The following LAMA2 variants were observed in gnomAD, a reference collection of about 807,000 sequenced individuals.
LAMA2 encodes laminin subunit alpha 2.
Under a neutral mutation model 364.8 loss-of-function variants are expected in LAMA2, and 269 were observed. The ratio of observed to expected loss-of-function variants is 0.74; its 90% CI spans 0.67 to 0.82. The LOEUF (loss-of-function observed/expected upper bound fraction) is 0.82, where lower values mean the gene tolerates loss of function less well. LAMA2 is among the 40% of genes least tolerant of loss of function. The probability of loss-of-function intolerance (pLI) is 0.00; values close to 1 mark genes in which losing one functional copy is unlikely to be tolerated. For missense variants in LAMA2, 3,807 were observed against 3,873.2 expected (o/e 0.98, Z 0.45); for synonymous variants, 1,379 against 1,370.6 (o/e 1.01, Z -0.14).
At chr6:129,091,280 T>G (rs1029913583) in intron 3 of LAMA2, among the ~76,000 whole-genome samples, 2 of 152,174 alleles carry the variant, frequency 1.3e-5, no homozygotes, top group Non-Finnish European at 2.9e-5. Flanking sequence ...GAAAAACAAT[T>G]TCAACAAATA....
chr6:129,385,258 A>AG (rs149858176), intron 35 of LAMA2, among the ~76,000 whole-genome samples: 1 of 112,944 alleles, frequency 8.9e-6, no homozygotes, highest in African/African-American at 3.3e-5. Flanking sequence ...GGAAAGAGGA[A>AG]GGGGGGGAAA....
chr6:129,494,292 A>C (rs1051843632), intron 58 of LAMA2, among the ~76,000 whole-genome samples: 1 of 152,246 alleles, frequency 6.6e-6, no homozygotes, highest in Non-Finnish European at 1.5e-5. Flanking sequence ...TGCTCCTTGC[A>C]CTAGAAATAG....
intron 54 of LAMA2, among the ~76,000 whole-genome samples, chr6:129,480,213 T>C (rs1784280134): frequency 6.6e-6 from 1 of 152,228 alleles, no homozygotes; most frequent in South Asian, 2.1e-4. Flanking sequence ...TTATACATTT[T>C]ACCAGCTCTT....
In LAMA2 at chr6:129,270,743, A is replaced by C. The variant is rs1306826703; in HGVS notation, c.2442A>C (p.Pro814=). 2 of 1,613,154 alleles carry C rather than the reference A, an allele frequency of 1.2e-6. No homozygotes were observed. The highest frequency in any genetic ancestry group is 1.7e-5 in the Admixed American group (1 of 59,878). ...CQPCACPLNI[P]SNNFSPTCHL... ...CCTGTGCCTGTCCACTCAATATCCC[A>C]TCCAATAAGTAAGTAACAAACTTAC... Residue 814 remains proline (P), a synonymous_variant, in exon 17 of 65, where the codon CCA becomes CCC. Coordinates refer to ENST00000421865, the MANE Select transcript of LAMA2 (RefSeq NM_000426.4).
At chr6:129,095,914 C>T (rs768491498) in intron 3 of LAMA2, among the ~76,000 whole-genome samples, 25 of 149,690 alleles carry the variant, frequency 1.7e-4, no homozygotes, top group Admixed American at 6.6e-4. Context: ...CAGAGCAGGA[C>T]GCAGTCTGGA....
chr6:129,158,969 G>A, intron 8 of LAMA2: 2 of 1,589,122 alleles, frequency 1.3e-6, no homozygotes, highest in South Asian at 2.2e-5. Flanking sequence ...ATCCTCTGGT[G>A]CTAAGGTTAC....
chr6:129,438,515 T>C, intron 41 of LAMA2, 131 bp from the exon 42 acceptor site: 1 of 585,368 alleles, frequency 1.7e-6, no homozygotes, highest in Middle Eastern at 4.6e-4. Flanking sequence ...TATGTATAGA[T>C]GCCAATAAAT....
intron 1 of LAMA2, among the ~76,000 whole-genome samples, chr6:128,893,941 T>A (rs1776618694): frequency 6.6e-6 from 1 of 152,082 alleles, no homozygotes; most frequent in South Asian, 2.1e-4. Flanking sequence ...AATTATTACA[T>A]GTTATTTTAG....
At position 129,147,192 on chromosome 6, in the gene LAMA2, A is replaced by G. The variant is rs184278172; in HGVS notation, c.909+144A>G. ...TAACAGAAATCCATGCCAGGGTGAA[A>G]TAAGAGCTGGCAGTTAGGATGATAG... On this transcript the variant is annotated intron_variant, in intron 6 of 64. Transcript: ENST00000421865. 3 of 708,178 alleles carry G rather than the reference A, an allele frequency of 4.2e-6. No individual in the cohort carries two copies. The East Asian group carries it at 7.9e-5, about 19-fold the overall frequency. 43.9% of individuals were successfully genotyped at this position (708,178 alleles called of 1,614,324 possible).
At chr6:128,992,734 G>T (rs1357121150) in intron 1 of LAMA2, among the ~76,000 whole-genome samples, 4 of 152,030 alleles carry the variant, frequency 2.6e-5, no homozygotes. Flanking sequence ...GCTAGACTAG[G>T]GTAGGAAGAC....
At chr6:128,897,998 T>C (rs1776873295) in intron 1 of LAMA2, among the ~76,000 whole-genome samples, 1 of 152,244 alleles carries the variant, frequency 6.6e-6, no homozygotes, top group South Asian at 2.1e-4. Context: ...GAGTGAGTTA[T>C]TTAACTTCTT....
At chr6:129,364,955 T>C (rs1452721565) in intron 32 of LAMA2, among the ~76,000 whole-genome samples, 1 of 152,094 alleles carries the variant, frequency 6.6e-6, no homozygotes, top group Non-Finnish European at 1.5e-5. Flanking sequence ...GCACACACTT[T>C]TAAATAACCA....
chr6:129,144,135 T>A, intron 5 of LAMA2, 55 bp downstream of exon 5: 1 of 1,402,382 alleles, frequency 7.1e-7, no homozygotes, highest in East Asian at 2.3e-5. Flanking sequence ...CTTATCTTTT[T>A]GTCTGTTAAA....
intron 1 of LAMA2, among the ~76,000 whole-genome samples, chr6:128,897,296 A>C (rs1251650996): frequency 6.9e-6 from 1 of 144,758 alleles, no homozygotes; most frequent in African/African-American, 2.4e-5. Context: ...TAGATTCAGC[A>C]CTATGTCCTG....
chr6:129,047,565 G>A (rs1241882048), intron 1 of LAMA2, among the ~76,000 whole-genome samples: 1 of 152,156 alleles, frequency 6.6e-6, no homozygotes, highest in African/African-American at 2.4e-5. Flanking sequence ...AAAGACATAT[G>A]TATAAGGAGG....
intron 29 of LAMA2, among the ~76,000 whole-genome samples, chr6:129,331,031 G>C (rs542930569): frequency 8.3e-4 from 127 of 152,128 alleles, no homozygotes; most frequent in African/African-American, 2.9e-3. Context: ...ACCATGCCCG[G>C]CTTCTTTTTT....
At chr6:129,094,785 G>T (rs976140887) in intron 3 of LAMA2, among the ~76,000 whole-genome samples, 2 of 152,082 alleles carry the variant, frequency 1.3e-5, no homozygotes, top group African/African-American at 4.8e-5. Context: ...GCAGTATTTT[G>T]TATTCATTAT....
intron 14 of LAMA2, among the ~76,000 whole-genome samples, chr6:129,255,408 A>T (rs1786582774): frequency 1.1e-5 from 1 of 92,432 alleles, no homozygotes; most frequent in Non-Finnish European, 2.0e-5. Flanking sequence ...TCTGTCTCAA[A>T]AAAAAAAAAA....
chr6:129,292,686 C>A, intron 20 of LAMA2: 1 of 418,624 alleles, frequency 2.4e-6, no homozygotes, highest in Non-Finnish European at 3.2e-6. Context: ...GCAAGCATTT[C>A]TCCGATGTCA....
Sources: gnomAD v4.1 joint callset for allele counts (sites outside exome capture counted in the v4.1 genomes callset) on GRCh38, gnomAD v4.1.1 for gene constraint, MANE v1.5 for transcripts, NCBI Gene and HGNC (gene_info 2026-07-23, HGNC 2026-07-21) for gene names.